TRPV1: variants seen among roughly 807,000 people sequenced by gnomAD.
TRPV1 encodes transient receptor potential cation channel subfamily V member 1, also known as OTRPC1.
TRPV1 carries 82 observed loss-of-function variants against 82.3 expected under a neutral mutation model. The ratio of observed to expected loss-of-function variants is 1.00; its 90% CI spans 0.83 to 1.20. The LOEUF (loss-of-function observed/expected upper bound fraction) is 1.20. Ranked by LOEUF, TRPV1 falls within the 50% of genes most tolerant of loss-of-function variation. The pLI, the probability that TRPV1 is intolerant of heterozygous loss-of-function variation, is 0.00. For synonymous variants in TRPV1, 515 were observed against 467.7 expected (o/e 1.10, Z -1.30); for missense variants, 1,067 against 1,096.8 (o/e 0.97, Z 0.38).
chr17:3,568,863 G>C (rs2074810334), intron 16 of TRPV1, among the ~76,000 whole-genome samples: 1 of 152,140 alleles, frequency 6.6e-6, no homozygotes, highest in Non-Finnish European at 1.5e-5. Flanking sequence ...CCAACACGGT[G>C]AAGCCCTGTC....
chr17:3,600,535 G>A (rs578106089), intron 2 of TRPV1, among the ~76,000 whole-genome samples: 2 of 152,274 alleles, frequency 1.3e-5, no homozygotes, highest in Non-Finnish European at 2.9e-5. Flanking sequence ...GTTGCAGTGA[G>A]CTGAGATCAC....
chr17:3,589,992 T>C lies in TRPV1; in HGVS notation c.859A>G (p.Thr287Ala). Residue 287 changes from threonine (T) to alanine (A), a missense_variant, in exon 7 of 17, where the codon ACG (threonine) becomes GCG (alanine). Transcript: ENST00000572705. ...DISARDSVGN[T>A]VLHALVEVAD... ...ACCTCCACCAGGGCGTGCAGCACCG[T>C]GTTGCCCACCGAGTCCCTGGCGCTG... The C allele has an allele frequency of 6.4e-7, 1 of 1,560,822 alleles. No homozygotes were observed. The highest frequency in any genetic ancestry group is 8.7e-7 in the Non-Finnish European group (1 of 1,152,986).
intron 9 of TRPV1, among the ~76,000 whole-genome samples, chr17:3,584,292 A>T (rs1166055421): frequency 6.6e-6 from 1 of 151,386 alleles, no homozygotes; most frequent in Non-Finnish European, 1.5e-5. Flanking sequence ...AACAAAAAAA[A>T]AGAGGGAGGC....
chr17:3,600,598 A>G (rs1297912254), intron 2 of TRPV1, among the ~76,000 whole-genome samples: 1 of 152,140 alleles, frequency 6.6e-6, no homozygotes, highest in Non-Finnish European at 1.5e-5. Flanking sequence ...AAAAAAAACA[A>G]AACGAAACAA....
At chr17:3,583,245 T>TG (rs957263520) in intron 10 of TRPV1, 93 bp downstream of exon 10, 14 of 1,108,374 alleles carry the variant, frequency 1.3e-5, no homozygotes, top group Non-Finnish European at 1.8e-5. Context: ...ATGATGTGTC[T>TG]GATGAATTAA....
In TRPV1 at chr17:3,573,532, G is replaced by GCCACCCCCC; in HGVS notation, c.2103+100_2103+101insGGGGGGTGG. ...GCCCATACCCTCCTGGCCACACACC[G>GCCACCCCCC]CCCCCACCACCCACCCACCTGCAGC... On this transcript the variant is annotated intron_variant, in intron 14 of 16. Coordinates refer to ENST00000572705, the MANE Select transcript of TRPV1 (RefSeq NM_080704.4). The GCCACCCCCC allele has an allele frequency of 2.7e-5, 7 of 257,076 alleles. 1 individual carries two copies. The highest frequency in any genetic ancestry group is 6.0e-5 in the South Asian group (2 of 33,506). 15.9% of individuals were successfully genotyped at this position (257,076 alleles called of 1,614,324 possible). A position where few individuals can be genotyped will look rare whatever the true frequency, so the allele number is the denominator to read the frequency against.
intron 2 of TRPV1, among the ~76,000 whole-genome samples, chr17:3,598,086 G>T (rs2075234739): frequency 6.6e-6 from 1 of 152,180 alleles, no homozygotes; most frequent in Admixed American, 6.5e-5. Flanking sequence ...TAGAACAATA[G>T]GTTTCATTCT....
intron 2 of TRPV1, among the ~76,000 whole-genome samples, chr17:3,599,262 A>G (rs577136163): frequency 7.4e-5 from 11 of 149,586 alleles, no homozygotes; most frequent in African/African-American, 2.8e-4. Flanking sequence ...TATATATTAT[A>G]ATAAGTTGTG....
chr17:3,570,216 A>G (rs777651629), intron 16 of TRPV1, among the ~76,000 whole-genome samples: 7 of 152,072 alleles, frequency 4.6e-5, no homozygotes, highest in Non-Finnish European at 7.4e-5. Context: ...ATAAAAATAC[A>G]AAAATGAGCC....
chr17:3,566,758 C>A lies in TRPV1; in HGVS notation c.*57G>T, dbSNP rs2074768386. On this transcript the variant is annotated 3_prime_UTR_variant, in exon 17 of 17. Coordinates refer to ENST00000572705, the MANE Select transcript of TRPV1 (RefSeq NM_080704.4). ...GCACTGGTGTTCCCTCAGCAGCCCC[C>A]CGTGGCAACGGGGTCTCCTAAGGCC... 6.3e-7 allele frequency: 1 copy of A among 1,579,466 alleles called. No homozygotes were observed. The highest frequency in any genetic ancestry group is 1.7e-5 in the Admixed American group (1 of 57,520).
chr17:3,571,237 C>T (rs371160636), intron 16 of TRPV1, among the ~76,000 whole-genome samples: 15 of 152,184 alleles, frequency 9.9e-5, no homozygotes, highest in African/African-American at 3.1e-4. Context: ...GGCTGGGCTG[C>T]GTCCCCTGGG....
In TRPV1 at chr17:3,565,849, G is replaced by A. The variant is rs1170920963; in HGVS notation, c.*966C>T. On this transcript the variant is annotated 3_prime_UTR_variant, in exon 17 of 17. Transcript: ENST00000572705. ...TTTGTTCCCAAAGGTGTTTTCCTGG[G>A]CTTCATTTACTTTTGCTCCTAATAA... is the stretch of plus-strand genomic sequence containing the variant. The A allele has an allele frequency of 1.3e-5, 2 of 152,172 alleles. No individual in the cohort carries two copies. Among genetic ancestry groups the A allele is most frequent in the Non-Finnish European group, 2.9e-5 (2 of 68,064 alleles). The allele number at this position is 152,172 out of a possible 1,614,324, so 9.4% of individuals were successfully genotyped here.
intron 14 of TRPV1, among the ~76,000 whole-genome samples, chr17:3,572,853 G>C (rs947964552): frequency 5.9e-5 from 9 of 152,036 alleles, no homozygotes; most frequent in African/African-American, 9.7e-5. Context: ...TGTGGTGGTG[G>C]GTGCCTGCAA....
In TRPV1 at chr17:3,577,642, G is replaced by A. The variant is rs753375978; in HGVS notation, c.1669C>T (p.Arg557Cys). The A allele has an allele frequency of 1.3e-6, 2 of 1,585,060 alleles. No individual in the cohort carries two copies. Among genetic ancestry groups the A allele is most frequent in the Admixed American group, 3.6e-5 (2 of 55,130 alleles). Residue 557 changes from arginine to cysteine, a missense_variant, in exon 12 of 17, where the codon CGC becomes TGC. By Grantham distance (180) the Arg-to-Cys change is radical. Transcript: ENST00000572705. The stretch of plus-strand genomic sequence containing the variant: ...TAGATGCCCATCTGCTGGAAACCGC[G>A]GGTGTAGTAGAGCATGTTGGTCCAG... ...LGWTNMLYYT[R>C]GFQQMGIYAV...
At position 3,565,545 on chromosome 17, in the gene TRPV1, G is replaced by C. The variant is rs1331192458; in HGVS notation, c.*1270C>G. 1 of 152,258 alleles carries C rather than the reference G, an allele frequency of 6.6e-6. No homozygotes were observed. Among genetic ancestry groups the C allele is most frequent in the Non-Finnish European group, 1.5e-5 (1 of 68,072 alleles). 9.4% of individuals were successfully genotyped at this position (152,258 alleles called of 1,614,324 possible). A position where few individuals can be genotyped will look rare whatever the true frequency, so the allele number is the denominator to read the frequency against. ...AGGACTGGGGTTCCTAGAAATGGAA[G>C]ATCTTTCAAACATTCTTACCAGGTA... On this transcript the variant is annotated 3_prime_UTR_variant, in exon 17 of 17. Transcript: ENST00000572705.
chr17:3,592,099 G>A lies in TRPV1; in HGVS notation c.252C>T (p.Ile84=). Residue 84 remains isoleucine (I), a synonymous_variant, in exon 3 of 17, where the codon ATC becomes ATT. Coordinates refer to ENST00000572705, the MANE Select transcript of TRPV1 (RefSeq NM_080704.4). ...PTITVSPVIT[I]QRPGDGPTGA... ...CGGTGGGGCCGTCTCCTGGCCTCTG[G>A]ATGGTGATAACAGGGCTGACTGTGA... 1 of 1,613,792 alleles carries A rather than the reference G, an allele frequency of 6.2e-7. No individual in the cohort carries two copies. Among genetic ancestry groups the A allele is most frequent in the Non-Finnish European group, 8.5e-7 (1 of 1,179,840 alleles).
rs941182535 is a variant in TRPV1 at position 3,591,010 on chromosome 17, G to C, written c.558C>G (p.Ser186Arg). The change falls in exon 5 of 17, where the codon AGC becomes AGG. Residue 186 changes from serine to arginine, a missense_variant. Physicochemically the swap from Ser to Arg is moderately radical, Grantham distance 110. Coordinates refer to ENST00000572705, the MANE Select transcript of TRPV1 (RefSeq NM_080704.4). Reference sequence around the variant, plus strand: ...AGCTGGCGTTGACAAGCTCCTTCAGGCTGTCCGTTTGCCGCGCGATCTCCA... The same window carrying C: ...AGCTGGCGTTGACAAGCTCCTTCAGCCTGTCCGTTTGCCGCGCGATCTCCA... Reference protein sequence around the residue: ...LLLEIARQTDSLKELVNASYT... With the variant: ...LLLEIARQTDRLKELVNASYT... The C allele has an allele frequency of 1.9e-6, 3 of 1,610,898 alleles. No homozygotes were observed. The highest frequency in any genetic ancestry group is 1.1e-5 in the South Asian group (1 of 90,342).
chr17:3,595,266 G>T (rs548166615), intron 2 of TRPV1, among the ~76,000 whole-genome samples: 2 of 152,282 alleles, frequency 1.3e-5, no homozygotes, highest in East Asian at 3.9e-4. Flanking sequence ...CCGATGAGGA[G>T]ACCGAGGCAC....
At chr17:3,576,400 C>A (rs950503539) in intron 13 of TRPV1, among the ~76,000 whole-genome samples, 1 of 151,994 alleles carries the variant, frequency 6.6e-6, no homozygotes, top group Non-Finnish European at 1.5e-5. Context: ...TGCCTGTAAT[C>A]CCAGCACTTT....
Sources: allele counts gnomAD v4.1 joint callset (sites outside exome capture counted in the v4.1 genomes callset), GRCh38; gene constraint gnomAD v4.1.1; transcripts MANE v1.5; gene names NCBI Gene and HGNC (gene_info 2026-07-23, HGNC 2026-07-21).